Variants in NVL observed in about 807,000 individuals in gnomAD.
NVL encodes the protein nuclear VCP like.
NVL carries 84 observed loss-of-function variants against 110.2 expected under a neutral mutation model. That is an observed-to-expected ratio of 0.76 (90% CI 0.64 to 0.91). The LOEUF is 0.91. Among genes scored for constraint, NVL ranks in the 40% least tolerant of loss-of-function variants. The probability of loss-of-function intolerance (pLI) is 0.00; values close to 1 mark genes in which losing one functional copy is unlikely to be tolerated. For synonymous variants in NVL, 354 were observed against 361.1 expected, an observed-to-expected ratio of 0.98 and a Z score of 0.22; for missense variants, 882 against 1,035.9, an observed-to-expected ratio of 0.85 and a Z score of 2.04.
chr1:224,231,391 G>T lies in NVL; in HGVS notation c.2456-95C>A, dbSNP rs1417835490. On this transcript the variant is annotated intron_variant, in intron 21 of 22. Coordinates refer to ENST00000281701, the MANE Select transcript of NVL (RefSeq NM_002533.4). The stretch of plus-strand genomic sequence containing the variant: ...TTGAAAGACTTCAAAACTTTCAAGG[G>T]GTCCACTAAAGAGATCAGTGATGAG... The T allele has an allele frequency of 5.4e-6, 5 of 926,376 alleles. No individual in the cohort carries two copies. In the East Asian group the frequency reaches 9.7e-5, roughly 18 times the overall value. 57.4% of individuals were successfully genotyped at this position (926,376 alleles called of 1,614,324 possible).
intron 17 of NVL, among the ~76,000 whole-genome samples, chr1:224,274,037 C>CACACACACACACAT (rs1191656372): frequency 1.3e-5 from 2 of 149,574 alleles, no homozygotes. Context: ...GACCTAACAA[C>CACACACACACACAT]ACACACACAC....
At position 224,304,151 on chromosome 1, in the gene NVL, G is replaced by A. The variant is rs898419752; in HGVS notation, c.826-294C>T. Among the ~76,000 whole-genome samples the A allele has an allele frequency of 7.9e-5, 12 of 152,318 alleles. No homozygotes were observed. The South Asian group carries it at 1.9e-3, about 24-fold the overall frequency. Reference sequence around the variant, plus strand: ...AAAATAAAGTTACCATTACGGCCAGGCATGGTGGCTCACGCCTGTAATCCC... The same window carrying A: ...AAAATAAAGTTACCATTACGGCCAGACATGGTGGCTCACGCCTGTAATCCC... On this transcript the variant is annotated intron_variant, in intron 8 of 22. Transcript: ENST00000281701.
Position 224,287,943 on chromosome 1 carries a change from T to C in NVL, c.1626A>G (p.Ser542=). ...LGLLRDQDPL[S]EEQMQGLCIE... is the part of the protein sequence containing the mutation. ...TGCACAGTCCTTGCATCTGCTCCTC[T>C]GAGAGGGGATCTTGGTCTCTTAGCA... is the stretch of plus-strand genomic sequence containing the variant. The change falls in exon 14 of 23, where the codon TCA becomes TCG. Residue 542 remains serine (S), a synonymous_variant. Coordinates refer to ENST00000281701, the MANE Select transcript of NVL (RefSeq NM_002533.4). The C allele has an allele frequency of 6.2e-7, 1 of 1,613,822 alleles. No individual in the cohort carries two copies. Among genetic ancestry groups the C allele is most frequent in the Non-Finnish European group, 8.5e-7 (1 of 1,180,010 alleles).
At chr1:224,302,291 C>G (rs1187751595) in intron 9 of NVL, among the ~76,000 whole-genome samples, 1 of 152,096 alleles carries the variant, frequency 6.6e-6, no homozygotes, top group Non-Finnish European at 1.5e-5. Context: ...CGACCTCCGC[C>G]TCCAGGTTCA....
Position 224,286,082 on chromosome 1 carries a change from G to T in NVL, c.1843C>A (p.Pro615Thr). The T allele has an allele frequency of 6.2e-7, 1 of 1,614,142 alleles. No homozygotes were observed. The highest frequency in any genetic ancestry group is 8.5e-7 in the Non-Finnish European group (1 of 1,180,006). ...DQFKALGLVT[P>T]AGVLLAGPPG... The stretch of plus-strand genomic sequence containing the variant: ...GGACCAGCAAGGAGGACCCCAGCTG[G>T]AGTCACCAATCCAAGAGCTTTGAAC... The change falls in exon 15 of 23, where the codon CCA becomes ACA. Residue 615 changes from proline to threonine, a missense_variant. Coordinates refer to ENST00000281701, the MANE Select transcript of NVL (RefSeq NM_002533.4).
At chr1:224,269,233 G>A (rs1370447017) in intron 17 of NVL, among the ~76,000 whole-genome samples, 2 of 151,826 alleles carry the variant, frequency 1.3e-5, no homozygotes, top group South Asian at 2.1e-4. Flanking sequence ...GATTACTGGT[G>A]TGTGTCACCA....
At chr1:224,295,695 C>A (rs1571983218) in intron 11 of NVL, among the ~76,000 whole-genome samples, 1 of 149,150 alleles carries the variant, frequency 6.7e-6, no homozygotes, top group Non-Finnish European at 1.5e-5. Context: ...AAAAAAAAAA[C>A]ACCCAGGCAC....
chr1:224,268,162 G>A, intron 17 of NVL, 29 bp from the exon 18 acceptor site: 1 of 1,490,644 alleles, frequency 6.7e-7, no homozygotes, highest in Non-Finnish European at 9.3e-7. Flanking sequence ...GGTTCCATCA[G>A]CTCTCAATAC....
rs184383931 is a variant in NVL at position 224,254,070 on chromosome 1, G to C, written c.2183-3752C>G. ...ATTTTGTAAACTGACAAAGAAAAAT[G>C]GTATATATTTAGGTTGTACAACATG... is the stretch of plus-strand genomic sequence containing the variant. On this transcript the variant is annotated intron_variant, in intron 18 of 22. Coordinates refer to ENST00000281701, the MANE Select transcript of NVL (RefSeq NM_002533.4). Among the ~76,000 whole-genome samples, 5 of 152,168 alleles carry C rather than the reference G, an allele frequency of 3.3e-5. No individual in the cohort carries two copies. The East Asian group carries it at 9.7e-4, about 29-fold the overall frequency.
chr1:224,299,212 C>A (rs1668164140), intron 10 of NVL, among the ~76,000 whole-genome samples: 1 of 152,130 alleles, frequency 6.6e-6, no homozygotes, highest in African/African-American at 2.4e-5. Context: ...CCTATGACTG[C>A]TAGATATATT....
chr1:224,292,337 T>C (rs779574864), intron 12 of NVL, among the ~76,000 whole-genome samples: 2 of 152,214 alleles, frequency 1.3e-5, no homozygotes, highest in African/African-American at 2.4e-5. Context: ...GTTAATTCAA[T>C]ACTCACAGGA....
Position 224,287,982 on chromosome 1 carries a change from T to C in NVL, c.1587A>G (p.Gln529=), listed in dbSNP as rs753964708. The change falls in exon 14 of 23, where the codon CAA becomes CAG. Residue 529 remains glutamine (Q), a synonymous_variant. Coordinates refer to ENST00000281701, the MANE Select transcript of NVL (RefSeq NM_002533.4). ...EPTSETQDEL[Q]RLLGLLRDQD... is the part of the protein sequence containing the mutation. ...GGTCTCTTAGCAACCCCAGCAGCCTTTGTAATTCATCCTTGAAGGGAACAA... is the reference window on the plus strand; with the variant it reads ...GGTCTCTTAGCAACCCCAGCAGCCTCTGTAATTCATCCTTGAAGGGAACAA... 1.8e-5 allele frequency: 29 copies of C among 1,612,936 alleles called. No individual in the cohort carries two copies. Among genetic ancestry groups the C allele is most frequent in the East Asian group, 1.1e-4 (5 of 44,886 alleles).
chr1:224,248,271 A>G (rs73128442), intron 19 of NVL, among the ~76,000 whole-genome samples: 2,246 of 152,216 alleles, frequency 0.015, 49 homozygotes, highest in African/African-American at 0.05. Flanking sequence ...TCTCATGTCT[A>G]TATCTTCTTT....
intron 14 of NVL, among the ~76,000 whole-genome samples, chr1:224,287,503 T>C (rs909567014): frequency 1.3e-5 from 2 of 152,204 alleles, no homozygotes. Flanking sequence ...ACTTCATCAA[T>C]ACACATTTAA....
At chr1:224,302,104 TAAAC>T (rs955710109) in intron 9 of NVL, among the ~76,000 whole-genome samples, 1 of 152,264 alleles carries the variant, frequency 6.6e-6, no homozygotes, top group African/African-American at 2.4e-5. Flanking sequence ...ATGGAATTAT[TAAAC>T]AAAAATGAAG....
At position 224,281,032 on chromosome 1, in the gene NVL, T is replaced by C. The variant is rs541863162; in HGVS notation, c.1962+91A>G. 3.8e-5 allele frequency: 45 copies of C among 1,172,018 alleles called. No individual in the cohort carries two copies. The South Asian group carries it at 5.2e-4, about 13-fold the overall frequency. The allele number at this position is 1,172,018 out of a possible 1,614,324, so 72.6% of individuals were successfully genotyped here. A position where few individuals can be genotyped will look rare whatever the true frequency, so the allele number is the denominator to read the frequency against. On this transcript the variant is annotated intron_variant, in intron 16 of 22. Coordinates refer to ENST00000281701, the MANE Select transcript of NVL (RefSeq NM_002533.4). Reference sequence around the variant, plus strand: ...GATTTTAAATACCAAAATACCACAATTGCTGAAAGATCTGAGAACATTTTA... The same window carrying C: ...GATTTTAAATACCAAAATACCACAACTGCTGAAAGATCTGAGAACATTTTA...
intron 11 of NVL, among the ~76,000 whole-genome samples, chr1:224,295,625 A>G (rs2102660114): frequency 6.6e-6 from 1 of 151,926 alleles, no homozygotes; most frequent in Middle Eastern, 3.4e-3. Flanking sequence ...AGGCTGAAGC[A>G]GAAAGACTGA....
intron 19 of NVL, among the ~76,000 whole-genome samples, chr1:224,240,475 T>C (rs1447781604): frequency 6.6e-6 from 1 of 152,140 alleles, no homozygotes; most frequent in Non-Finnish European, 1.5e-5. Flanking sequence ...CCTCCCAAAG[T>C]GCTGGGATTA....
chr1:224,267,342 T>C (rs1287156165), intron 18 of NVL, among the ~76,000 whole-genome samples: 3 of 152,152 alleles, frequency 2.0e-5, no homozygotes, highest in Admixed American at 2.0e-4. Context: ...TTGTTTCCTA[T>C]AAGCTAGAGA....
Sources: allele counts gnomAD v4.1 joint callset (sites outside exome capture counted in the v4.1 genomes callset), GRCh38; gene constraint gnomAD v4.1.1; transcripts MANE v1.5; gene names NCBI Gene and HGNC (gene_info 2026-07-23, HGNC 2026-07-21).